The following NRXN3 variants were observed in gnomAD, a reference collection of about 807,000 sequenced individuals.
NRXN3 encodes neurexin III.
A neutral mutation model predicts 137.6 loss-of-function variants in NRXN3; 32 were observed. That is an observed-to-expected ratio of 0.23 (90% CI 0.18 to 0.31). The LOEUF is 0.31. Among genes scored for constraint, NRXN3 ranks in the 10% least tolerant of loss-of-function variants. The pLI is 1.00. For missense variants in NRXN3, 1,574 were observed against 2,062.5 expected, an observed-to-expected ratio of 0.76 and a Z score of 4.59; for synonymous variants, 798 against 784.5, an observed-to-expected ratio of 1.02 and a Z score of -0.29.
At chr14:79,144,946 T>C (rs1445554206) in intron 15 of NRXN3, among the ~76,000 whole-genome samples, 1 of 152,156 alleles carries the variant, frequency 6.6e-6, no homozygotes, top group Non-Finnish European at 1.5e-5. Flanking sequence ...ATTAGGTTAT[T>C]AGAAATTTTT....
intron 4 of NRXN3, among the ~76,000 whole-genome samples, chr14:78,464,891 G>A (rs1421908820): frequency 1.3e-5 from 2 of 152,062 alleles, no homozygotes; most frequent in Non-Finnish European, 1.5e-5. Context: ...ATTCTCAGTC[G>A]TATTCTTACT....
rs774151985 is a variant in NRXN3 at position 78,645,348 on chromosome 14, T to C, written c.986T>C (p.Ile329Thr). ...CTGGGGTCCGGGGCCTTTGAGGCCA[T>C]TGTGGAGCCAGTGAATGGAAAATTC... ...INLGSGAFEAIVEPVNGKFND... is the reference protein window; with the variant it reads ...INLGSGAFEATVEPVNGKFND... The change falls in exon 5 of 21, where the codon ATT becomes ACT. Residue 329 changes from isoleucine to threonine, a missense_variant. By Grantham distance (89) the Ile-to-Thr change is moderately conservative. Coordinates refer to ENST00000335750, the MANE Select transcript of NRXN3 (RefSeq NM_001330195.2). The C allele has an allele frequency of 1.3e-6, 2 of 1,598,470 alleles. No individual in the cohort carries two copies. The highest frequency in any genetic ancestry group is 1.7e-6 in the Non-Finnish European group (2 of 1,179,386).
intron 10 of NRXN3, among the ~76,000 whole-genome samples, chr14:78,899,710 A>T (rs2099189319): frequency 6.6e-6 from 1 of 152,054 alleles, no homozygotes; most frequent in Non-Finnish European, 1.5e-5. Context: ...CATGTTATAT[A>T]AATGTATTCT....
rs572877455 is a variant in NRXN3, at chr14:78,865,151, G to A, written c.2275+54807G>A. 5.9e-5 allele frequency among the ~76,000 whole-genome samples: 9 copies of A among 152,118 alleles called. No homozygotes were observed. The South Asian group carries it at 6.2e-4, about 11-fold the overall frequency. On this transcript the variant is annotated intron_variant, in intron 10 of 20. Coordinates refer to ENST00000335750, the MANE Select transcript of NRXN3 (RefSeq NM_001330195.2). The stretch of plus-strand genomic sequence containing the variant: ...AATGTCTCAATTTGAAATGTTGTGA[G>A]CTATGAAAAAAAGACAAGGAAGGTA...
intron 15 of NRXN3, among the ~76,000 whole-genome samples, chr14:79,300,106 A>C (rs2153222830): frequency 6.6e-6 from 1 of 152,204 alleles, no homozygotes; most frequent in East Asian, 1.9e-4. Context: ...ACTATGTTGA[A>C]GTGCTTACAT....
At chr14:78,195,580 G>A (rs1241004840) in intron 1 of NRXN3, among the ~76,000 whole-genome samples, 1 of 152,180 alleles carries the variant, frequency 6.6e-6, no homozygotes, top group East Asian at 1.9e-4. Context: ...AGCCCATCTG[G>A]GGAGATGACA....
intron 4 of NRXN3, among the ~76,000 whole-genome samples, chr14:78,372,810 ACTTTT>A (rs796256482): frequency 5.9e-5 from 9 of 152,336 alleles, no homozygotes; most frequent in African/African-American, 1.7e-4. Flanking sequence ...TTCATTTCTA[ACTTTT>A]CTTTCATTAA....
At chr14:78,173,548 C>T (rs1304865506) in intron 1 of NRXN3, among the ~76,000 whole-genome samples, 1 of 132,014 alleles carries the variant, frequency 7.6e-6, no homozygotes, top group Non-Finnish European at 1.6e-5. Flanking sequence ...CCACCAATCT[C>T]CCCCTCCATC....
chr14:79,139,440 A>G (rs2058581753), intron 15 of NRXN3, among the ~76,000 whole-genome samples: 1 of 152,180 alleles, frequency 6.6e-6, no homozygotes, highest in Non-Finnish European at 1.5e-5. Context: ...CACCATCCAT[A>G]TGAGATTTAT....
chr14:78,933,073 G>T (rs1264728067), intron 10 of NRXN3, among the ~76,000 whole-genome samples: 1 of 152,068 alleles, frequency 6.6e-6, no homozygotes, highest in Non-Finnish European at 1.5e-5. Context: ...ATGAGCTGAT[G>T]ATGCCCAATG....
chr14:79,410,420 T>A (rs1567048077), intron 15 of NRXN3, among the ~76,000 whole-genome samples: 1 of 152,042 alleles, frequency 6.6e-6, no homozygotes, highest in Non-Finnish European at 1.5e-5. Context: ...AATGTAGTTA[T>A]CTAATTAATT....
chr14:79,500,245 A>AAC (rs1417907840), intron 16 of NRXN3, among the ~76,000 whole-genome samples: 1 of 150,240 alleles, frequency 6.7e-6, no homozygotes, highest in Non-Finnish European at 1.5e-5. Context: ...GCAAAAAAAA[A>AAC]AAAAAAAAAA....
chr14:78,382,888 C>G (rs940069961), intron 4 of NRXN3, among the ~76,000 whole-genome samples: 1 of 152,102 alleles, frequency 6.6e-6, no homozygotes, highest in Non-Finnish European at 1.5e-5. Flanking sequence ...TACGATCTCT[C>G]TGATCTGAGA....
At chr14:79,079,204 AG>A (rs1183577275) in intron 15 of NRXN3, among the ~76,000 whole-genome samples, 1 of 152,190 alleles carries the variant, frequency 6.6e-6, no homozygotes, top group Non-Finnish European at 1.5e-5. Flanking sequence ...GTGAATTACC[AG>A]GCAAACGTTA....
At chr14:79,784,614 CTTTTTTTTTTTTTTTTT>C (rs540234381) in intron 19 of NRXN3, among the ~76,000 whole-genome samples, 1 of 76,622 alleles carries the variant, frequency 1.3e-5, no homozygotes, top group Non-Finnish European at 2.5e-5. Context: ...TGTTGTGTTG[CTTTTTTTTTTTTTTTTT>C]TTTTTTTAAT....
intron 4 of NRXN3, among the ~76,000 whole-genome samples, chr14:78,590,423 A>C (rs2152399403): frequency 6.6e-6 from 1 of 152,344 alleles, no homozygotes; most frequent in Middle Eastern, 3.4e-3. Context: ...ATTCCAGGGA[A>C]TACTTTCAAA....
intron 14 of NRXN3, among the ~76,000 whole-genome samples, chr14:78,971,887 C>T (rs188433502): frequency 1.4e-3 from 220 of 152,218 alleles, no homozygotes; most frequent in African/African-American, 3.5e-3. Flanking sequence ...CCACCCACCT[C>T]GGCCTCCCAA....
At chr14:78,207,156 G>A (rs1483604654) in intron 1 of NRXN3, among the ~76,000 whole-genome samples, 6 of 152,118 alleles carry the variant, frequency 3.9e-5, no homozygotes, top group African/African-American at 7.2e-5. Context: ...GAACCACCGC[G>A]CCCGGCCTCC....
chr14:78,225,944 G>GT (rs145656010), intron 1 of NRXN3, among the ~76,000 whole-genome samples: 61,416 of 147,966 alleles, frequency 0.42, 13,105 homozygotes, highest in African/African-American at 0.48. Context: ...AGTAGCAGGT[G>GT]TTTTTTTGGT....
Sources: gnomAD v4.1 joint callset for allele counts (sites outside exome capture counted in the v4.1 genomes callset) on GRCh38, gnomAD v4.1.1 for gene constraint, MANE v1.5 for transcripts, NCBI Gene and HGNC (gene_info 2026-07-23, HGNC 2026-07-21) for gene names.